Variants in DNAJB6 observed in about 807,000 individuals in gnomAD.
The protein encoded by DNAJB6 is DnaJ heat shock protein family (Hsp40) member B6.
A neutral mutation model predicts 42.7 loss-of-function variants in DNAJB6; 16 were observed. The ratio of observed to expected loss-of-function variants is 0.37; its 90% CI spans 0.25 to 0.57. DNAJB6 has a LOEUF of 0.57. Ranked by LOEUF, DNAJB6 falls within the 20% of genes least tolerant of loss-of-function variation. The pLI is 0.74. For missense variants in DNAJB6, 347 were observed against 416.8 expected (o/e 0.83, Z 1.46); for synonymous variants, 170 against 163.5 (o/e 1.04, Z -0.30).
At chr7:157,357,037 GCCTGCAGTC>G (rs1474032421) in intron 1 of DNAJB6, among the ~76,000 whole-genome samples, 1 of 150,320 alleles carries the variant, frequency 6.7e-6, no homozygotes, top group Non-Finnish European at 1.5e-5. Context: ...GGTGGCTCAT[GCCTGCAGTC>G]CCAGCACTTT....
At chr7:157,379,402 C>T (rs543793723) in intron 5 of DNAJB6, 74 of 152,320 alleles carry the variant, frequency 4.9e-4, no homozygotes, top group African/African-American at 1.7e-3. Context: ...GAGTTTAACT[C>T]TACAACTTGG....
Position 157,416,312 on chromosome 7 carries a change from G to A in DNAJB6, c.*214G>A, listed in dbSNP as rs1364817936. ...GGGGACAGACGTTTGGGACTTGGCCGCGACTCTCTGCTTCTCTCCAGCTCT... is the reference window on the plus strand; with the variant it reads ...GGGGACAGACGTTTGGGACTTGGCCACGACTCTCTGCTTCTCTCCAGCTCT... On this transcript the variant is annotated 3_prime_UTR_variant, in exon 10 of 10. Coordinates refer to ENST00000262177, the MANE Select transcript of DNAJB6 (RefSeq NM_058246.4). The A allele has an allele frequency of 1.3e-5, 8 of 604,832 alleles. No homozygotes were observed. The highest frequency in any genetic ancestry group is 9.3e-5 in the Admixed American group (3 of 32,302). 37.5% of individuals were successfully genotyped at this position (604,832 alleles called of 1,614,324 possible).
chr7:157,357,040 T>C (rs985876942), intron 1 of DNAJB6, among the ~76,000 whole-genome samples: 1 of 151,060 alleles, frequency 6.6e-6, no homozygotes, highest in Non-Finnish European at 1.5e-5. Flanking sequence ...GGCTCATGCC[T>C]GCAGTCCCAG....
chr7:157,404,596 T>C (rs1795686377), intron 8 of DNAJB6, among the ~76,000 whole-genome samples: 1 of 150,030 alleles, frequency 6.7e-6, no homozygotes, highest in South Asian at 2.1e-4. Flanking sequence ...CTGCAACCTC[T>C]GCCTCCCAGG....
intron 5 of DNAJB6, among the ~76,000 whole-genome samples, chr7:157,376,862 A>G (rs1800501457): frequency 6.6e-6 from 1 of 152,238 alleles, no homozygotes; most frequent in East Asian, 1.9e-4. Context: ...CCTGGGCGAC[A>G]GAGCAAGACT....
At chr7:157,406,419 C>T (rs541994213) in intron 8 of DNAJB6, among the ~76,000 whole-genome samples, 1 of 152,338 alleles carries the variant, frequency 6.6e-6, no homozygotes, top group East Asian at 1.9e-4. Flanking sequence ...AGGACTGTGT[C>T]GGACTGCTGG....
chr7:157,343,310 C>T (rs750223896), intron 1 of DNAJB6, among the ~76,000 whole-genome samples: 11 of 151,944 alleles, frequency 7.2e-5, no homozygotes, highest in East Asian at 5.8e-4. Flanking sequence ...CAGGCGCTCA[C>T]CACCATGCCT....
At chr7:157,390,235 G>A (rs916906520) in intron 8 of DNAJB6, among the ~76,000 whole-genome samples, 34 of 152,282 alleles carry the variant, frequency 2.2e-4, no homozygotes, top group African/African-American at 7.9e-4. Flanking sequence ...TGCGACCTGC[G>A]GCCCAGCCTG....
chr7:157,402,161 A>G (rs1292238136), intron 8 of DNAJB6, among the ~76,000 whole-genome samples: 4 of 152,188 alleles, frequency 2.6e-5, no homozygotes, highest in Non-Finnish European at 4.4e-5. Flanking sequence ...GGGTCTCCCT[A>G]TGTTGCCCAG....
chr7:157,353,870 C>T (rs188181498), intron 1 of DNAJB6, among the ~76,000 whole-genome samples: 41 of 152,084 alleles, frequency 2.7e-4, no homozygotes, highest in African/African-American at 9.9e-4. Flanking sequence ...CACTGTGTTT[C>T]CCAGGCTGAT....
At chr7:157,398,786 A>G (rs1479465015) in intron 8 of DNAJB6, among the ~76,000 whole-genome samples, 1 of 152,264 alleles carries the variant, frequency 6.6e-6, no homozygotes, top group Non-Finnish European at 1.5e-5. Context: ...TTTAATTCAC[A>G]CACAGGAAGA....
chr7:157,379,805 CTTTTTTTTTT>C (rs57417414), intron 5 of DNAJB6: 14,037 of 121,342 alleles, frequency 0.12, 951 homozygotes, highest in East Asian at 0.39. Flanking sequence ...GCAGAAATGC[CTTTTTTTTTT>C]TTTTTTTTTT....
chr7:157,355,547 G>A (rs1331548369), intron 1 of DNAJB6, among the ~76,000 whole-genome samples: 1 of 152,236 alleles, frequency 6.6e-6, no homozygotes, highest in East Asian at 1.9e-4. Flanking sequence ...GACAAGGAGA[G>A]CTGGGAAACG....
chr7:157,382,059 C>A, intron 5 of DNAJB6, 187 bp from the exon 6 acceptor site: 4 of 494,612 alleles, frequency 8.1e-6, no homozygotes, highest in Non-Finnish European at 1.4e-5. Context: ...TTGAATTAAA[C>A]TAGTTAGTAA....
chr7:157,349,041 A>G (rs1187550983), intron 1 of DNAJB6, among the ~76,000 whole-genome samples: 1 of 151,878 alleles, frequency 6.6e-6, no homozygotes, highest in East Asian at 1.9e-4. Context: ...TTGTCTTTTT[A>G]AATTTTTTTT....
intron 1 of DNAJB6, among the ~76,000 whole-genome samples, chr7:157,354,034 T>C (rs1799147218): frequency 6.6e-6 from 1 of 152,200 alleles, no homozygotes; most frequent in South Asian, 2.1e-4. Context: ...TAGTAAATTT[T>C]TATTTCAATT....
chr7:157,345,229 G>C (rs1433317059), intron 1 of DNAJB6, among the ~76,000 whole-genome samples: 3 of 151,594 alleles, frequency 2.0e-5, no homozygotes, highest in Admixed American at 6.6e-5. Context: ...CCTGACCTCA[G>C]GTGATCCACC....
At chr7:157,346,863 C>G (rs1241995921) in intron 1 of DNAJB6, among the ~76,000 whole-genome samples, 1 of 151,952 alleles carries the variant, frequency 6.6e-6, no homozygotes. Flanking sequence ...TCTTTTTTTT[C>G]TTGTTTTCTT....
rs200673777 is a variant in DNAJB6, at chr7:157,361,729, CTA to C, written c.66-1431_66-1430del. Among the ~76,000 whole-genome samples the C allele has an allele frequency of 7.5e-3, 1,134 of 150,288 alleles. 8 individuals carry two copies. Among genetic ancestry groups the C allele is most frequent in the Non-Finnish European group, 0.011 (723 of 67,660 alleles). On this transcript the variant is annotated intron_variant, in intron 2 of 9. Coordinates refer to ENST00000262177, the MANE Select transcript of DNAJB6 (RefSeq NM_058246.4). ...TGCTGCTTAGGTTTTGCTAATTAGACTAGAGGATTTTTTTGTATTCATTCATT... is the reference window on the plus strand; with the variant it reads ...TGCTGCTTAGGTTTTGCTAATTAGACGAGGATTTTTTTGTATTCATTCATT...
Sources: gnomAD v4.1 joint callset for allele counts (sites outside exome capture counted in the v4.1 genomes callset) on GRCh38, gnomAD v4.1.1 for gene constraint, MANE v1.5 for transcripts, NCBI Gene and HGNC (gene_info 2026-07-23, HGNC 2026-07-21) for gene names.